Variants in TEX9 observed in about 807,000 individuals in gnomAD.
TEX9 encodes the protein testis-expressed protein 9.
A neutral mutation model predicts 59.6 loss-of-function variants in TEX9; 74 were observed. That is an observed-to-expected ratio of 1.24 (90% CI 1.03 to 1.51). The LOEUF (loss-of-function observed/expected upper bound fraction) is 1.51. Ranked by LOEUF, TEX9 falls within the 40% of genes most tolerant of loss-of-function variation. TEX9 has a pLI of 0.00. For missense variants in TEX9, 522 were observed against 447.8 expected, an observed-to-expected ratio of 1.17 and a Z score of -1.49; for synonymous variants, 186 against 152.2, an observed-to-expected ratio of 1.22 and a Z score of -1.64.
rs2141379620 is a variant in TEX9 at position 56,268,741 on chromosome 15, G to A, written c.-107+24463G>A. 2.6e-5 allele frequency among the ~76,000 whole-genome samples: 4 copies of A among 151,562 alleles called. 1 individual carries two copies. In the South Asian group the frequency reaches 8.4e-4, roughly 32 times the overall value. ...ATTCGTTTTGCCAGTATTTTATTGA[G>A]GATTTTGGCATCAATGCTCATCAGA... On this transcript the variant is annotated intron_variant, in intron 1 of 5. Transcript: ENST00000560827.
At chr15:56,347,046 T>C (rs1343279505) in intron 1 of TEX9, among the ~76,000 whole-genome samples, 1 of 152,172 alleles carries the variant, frequency 6.6e-6, no homozygotes, top group African/African-American at 2.4e-5. Flanking sequence ...ACTTGTATGG[T>C]GAAATCTGCA....
At chr15:56,345,234 G>A (rs2046448965) in intron 1 of TEX9, among the ~76,000 whole-genome samples, 1 of 151,810 alleles carries the variant, frequency 6.6e-6, no homozygotes, top group Non-Finnish European at 1.5e-5. Context: ...AAAGGAATGA[G>A]GGTTAAAAGA....
chr15:56,284,356 A>C (rs1193085726), intron 1 of TEX9, among the ~76,000 whole-genome samples: 1 of 152,190 alleles, frequency 6.6e-6, no homozygotes, highest in Admixed American at 6.5e-5. Flanking sequence ...AACTTTGTGC[A>C]TAAAAAGTTA....
At chr15:56,416,012 T>C (rs555429946) in intron 10 of TEX9, among the ~76,000 whole-genome samples, 1 of 151,926 alleles carries the variant, frequency 6.6e-6, no homozygotes, top group East Asian at 1.9e-4. Context: ...GCTTTTCTGA[T>C]TTGGCTCTTG....
chr15:56,267,580 A>G (rs2718935), intron 1 of TEX9, among the ~76,000 whole-genome samples: 16,061 of 152,180 alleles, frequency 0.11, 1,500 homozygotes, highest in East Asian at 0.47. Flanking sequence ...TTTATTAAAT[A>G]GGGAATCCTT....
At chr15:56,346,670 G>T (rs1885458546) in intron 1 of TEX9, among the ~76,000 whole-genome samples, 1 of 152,162 alleles carries the variant, frequency 6.6e-6, no homozygotes, top group Admixed American at 6.5e-5. Context: ...TTTGCAGATA[G>T]GAAAAACCAA....
intron 3 of TEX9, among the ~76,000 whole-genome samples, chr15:56,377,219 G>A (rs1222536411): frequency 1.3e-5 from 2 of 152,028 alleles, no homozygotes; most frequent in Non-Finnish European, 2.9e-5. Flanking sequence ...TTTTGCTTAG[G>A]GTAGCTTTGG....
At chr15:56,263,831 T>C (rs916846349) in intron 1 of TEX9, among the ~76,000 whole-genome samples, 6 of 152,236 alleles carry the variant, frequency 3.9e-5, no homozygotes, top group Non-Finnish European at 8.8e-5. Flanking sequence ...TTGGCTTCTT[T>C]TATGTAGAAT....
chr15:56,271,214 A>G (rs1469314327), intron 1 of TEX9, among the ~76,000 whole-genome samples: 1 of 152,128 alleles, frequency 6.6e-6, no homozygotes, highest in Non-Finnish European at 1.5e-5. Flanking sequence ...CTCCTGGATA[A>G]TATCCTGAAG....
At chr15:56,427,720 A>C (rs2050375868) in exon 11 of TEX9, 1 of 1,490,330 alleles carries the variant, frequency 6.7e-7, no homozygotes, top group African/African-American at 1.5e-5. Flanking sequence ...AAATTAATTG[A>C]TGTTTTAAAA....
At chr15:56,453,348 A>C in the TEX9 span, among the ~76,000 whole-genome samples, 1 of 152,112 alleles carries the variant, frequency 6.6e-6, no homozygotes, top group Non-Finnish European at 1.5e-5. Context: ...TATTCCCTTT[A>C]ATGCAGGATT....
At chr15:56,259,775 G>A (rs181466925) in intron 1 of TEX9, among the ~76,000 whole-genome samples, 3 of 152,084 alleles carry the variant, frequency 2.0e-5, no homozygotes, top group African/African-American at 7.2e-5. Flanking sequence ...CAAAAATTCT[G>A]TTAGGATCTT....
chr15:56,414,497 G>A (rs530432985), intron 10 of TEX9, among the ~76,000 whole-genome samples: 12 of 151,744 alleles, frequency 7.9e-5, no homozygotes, highest in South Asian at 4.2e-4. Context: ...AGCGGTATTC[G>A]GTTTTGTGTT....
chr15:56,263,679 C>A (rs1237168129), intron 1 of TEX9, among the ~76,000 whole-genome samples: 2 of 152,148 alleles, frequency 1.3e-5, no homozygotes, highest in Admixed American at 6.5e-5. Flanking sequence ...ATCATTCCCC[C>A]AAATTTGTTT....
chr15:56,283,011 A>G (rs551462961), intron 1 of TEX9, among the ~76,000 whole-genome samples: 1 of 151,832 alleles, frequency 6.6e-6, no homozygotes, highest in South Asian at 2.1e-4. Context: ...GGGGGAGAAT[A>G]AACATATATG....
chr15:56,412,390 C>A (rs149496779), exon 10 of TEX9: 5 of 1,612,868 alleles, frequency 3.1e-6, no homozygotes, highest in Non-Finnish European at 4.2e-6. Flanking sequence ...CTAGAAGAAG[C>A]AGAAAAGTAT....
intron 12 of TEX9, chr15:56,444,566 A>G (rs1258188346): frequency 3.1e-6 from 5 of 1,612,866 alleles, no homozygotes; most frequent in Non-Finnish European, 4.2e-6. Context: ...CTAAGTCAAG[A>G]TAGTACTGTG....
chr15:56,322,379 C>T (rs1567085283), intron 1 of TEX9, among the ~76,000 whole-genome samples: 1 of 152,066 alleles, frequency 6.6e-6, no homozygotes, highest in Non-Finnish European at 1.5e-5. Flanking sequence ...GGAGAAGAAA[C>T]ATTAGGGGGC....
At chr15:56,428,576 T>TC in intron 12 of TEX9, 1 of 624,456 alleles carries the variant, frequency 1.6e-6, no homozygotes. Context: ...TTCAAAGAAT[T>TC]CCCTTTTTAG....
Sources: allele counts gnomAD v4.1 joint callset (sites outside exome capture counted in the v4.1 genomes callset), GRCh38; gene constraint gnomAD v4.1.1; transcripts MANE v1.5; gene names NCBI Gene and HGNC (gene_info 2026-07-23, HGNC 2026-07-21).